FHL5: variants seen among roughly 807,000 people sequenced by gnomAD.
The protein encoded by FHL5 is four and a half LIM domains 5, also known as four and a half LIM domains protein 5.
In FHL5, 33 loss-of-function variants were observed where a neutral mutation model predicts 32.0. The ratio of observed to expected loss-of-function variants is 1.03; its 90% CI spans 0.78 to 1.38. FHL5 has a LOEUF of 1.38. Ranked by LOEUF, FHL5 falls within the 40% of genes most tolerant of loss-of-function variation. The pLI is 0.00. For missense variants in FHL5, 336 were observed against 343.9 expected (o/e 0.98, Z 0.18); for synonymous variants, 114 against 113.6 (o/e 1.00, Z -0.02).
chr6:96,610,452 C>CTT, intron 4 of FHL5, 120 bp from the exon 5 acceptor site: 11 of 674,552 alleles, frequency 1.6e-5, no homozygotes, highest in South Asian at 2.1e-5. Context: ...ATGAAATGAT[C>CTT]TTTTTTTTTT....
intron 1 of FHL5, among the ~76,000 whole-genome samples, chr6:96,579,790 A>C (rs1203448321): frequency 6.6e-6 from 1 of 152,132 alleles, no homozygotes; most frequent in Non-Finnish European, 1.5e-5. Context: ...ACAAACTCTT[A>C]GTGACAGGCT....
chr6:96,590,598 C>A (rs1003833532), intron 1 of FHL5, among the ~76,000 whole-genome samples: 1 of 151,952 alleles, frequency 6.6e-6, no homozygotes, highest in Non-Finnish European at 1.5e-5. Flanking sequence ...TTTTTTCCCT[C>A]ACCTTACTGC....
chr6:96,567,669 G>T (rs1293672467), intron 1 of FHL5, among the ~76,000 whole-genome samples: 1 of 151,294 alleles, frequency 6.6e-6, no homozygotes, highest in East Asian at 1.9e-4. Flanking sequence ...TTTTTTATCA[G>T]TGTTTTGCAG....
chr6:96,602,416 T>C (rs1036038328), intron 1 of FHL5, among the ~76,000 whole-genome samples: 4 of 141,508 alleles, frequency 2.8e-5, no homozygotes, highest in Non-Finnish European at 6.1e-5. Flanking sequence ...GAAATCTATA[T>C]GCGTTGTTTC....
At chr6:96,576,853 G>A (rs1196009964) in intron 1 of FHL5, among the ~76,000 whole-genome samples, 4 of 152,214 alleles carry the variant, frequency 2.6e-5, no homozygotes, top group Non-Finnish European at 5.9e-5. Flanking sequence ...TTAGAATGAA[G>A]ATTAACACTA....
At chr6:96,603,175 G>A (rs1362082807) in intron 1 of FHL5, among the ~76,000 whole-genome samples, 1 of 152,148 alleles carries the variant, frequency 6.6e-6, no homozygotes, top group Non-Finnish European at 1.5e-5. Context: ...AAAAAAGACT[G>A]TTATTTCCAT....
chr6:96,569,744 G>A (rs974796523), intron 1 of FHL5, among the ~76,000 whole-genome samples: 1 of 141,800 alleles, frequency 7.1e-6, no homozygotes, highest in South Asian at 2.3e-4. Context: ...CATTTGTATG[G>A]ATTTTTTTTC....
intron 1 of FHL5, among the ~76,000 whole-genome samples, chr6:96,565,604 A>G (rs1456196104): frequency 6.6e-6 from 1 of 152,136 alleles, no homozygotes; most frequent in Admixed American, 6.5e-5. Context: ...ATGGATCCTG[A>G]GTAGATTATT....
chr6:96,584,433 A>ATG (rs1491131903), intron 1 of FHL5, among the ~76,000 whole-genome samples: 10 of 127,654 alleles, frequency 7.8e-5, no homozygotes, highest in African/African-American at 3.3e-4. Context: ...CACAGGTGGG[A>ATG]TATGTGTGTG....
intron 1 of FHL5, among the ~76,000 whole-genome samples, chr6:96,580,956 A>C (rs1403649199): frequency 6.6e-6 from 1 of 152,180 alleles, no homozygotes; most frequent in African/African-American, 2.4e-5. Flanking sequence ...AATACTATCC[A>C]TGTACTACTA....
At chr6:96,585,842 A>C (rs1770786072) in intron 1 of FHL5, among the ~76,000 whole-genome samples, 1 of 152,226 alleles carries the variant, frequency 6.6e-6, no homozygotes. Context: ...ATAAGAAAGT[A>C]AAAGCCCTCT....
At chr6:96,608,202 A>T (rs952897980) in intron 4 of FHL5, among the ~76,000 whole-genome samples, 1 of 152,090 alleles carries the variant, frequency 6.6e-6, no homozygotes, top group Non-Finnish European at 1.5e-5. Context: ...TGCTATAACA[A>T]TTCAAGAGTG....
chr6:96,584,875 G>A (rs112321237), intron 1 of FHL5, among the ~76,000 whole-genome samples: 25 of 152,292 alleles, frequency 1.6e-4, no homozygotes, highest in Non-Finnish European at 3.2e-4. Context: ...TTAATAGGAT[G>A]TGGTAACCCA....
chr6:96,597,619 C>T (rs546420382), intron 1 of FHL5, among the ~76,000 whole-genome samples: 2 of 152,138 alleles, frequency 1.3e-5, no homozygotes, highest in East Asian at 3.8e-4. Flanking sequence ...GATGACCTTG[C>T]CCTAGTCTTC....
intron 1 of FHL5, among the ~76,000 whole-genome samples, chr6:96,588,970 G>C (rs562936237): frequency 9.2e-5 from 14 of 151,810 alleles, no homozygotes; most frequent in Middle Eastern, 3.4e-3. Flanking sequence ...TAAGATCATA[G>C]AAATTTACTT....
At chr6:96,608,667 C>T (rs550754374) in intron 4 of FHL5, among the ~76,000 whole-genome samples, 7 of 152,154 alleles carry the variant, frequency 4.6e-5, no homozygotes, top group Non-Finnish European at 8.8e-5. Flanking sequence ...ACGTCTTCTT[C>T]GATTTTTCAT....
chr6:96,602,812 A>C (rs948035538), intron 1 of FHL5, among the ~76,000 whole-genome samples: 8 of 152,166 alleles, frequency 5.3e-5, no homozygotes, highest in Non-Finnish European at 1.2e-4. Context: ...GAAGGAACCC[A>C]TTGTTGTTTT....
At chr6:96,608,326 A>G (rs1771327552) in intron 4 of FHL5, among the ~76,000 whole-genome samples, 1 of 152,182 alleles carries the variant, frequency 6.6e-6, no homozygotes. Context: ...TCAAAAATTT[A>G]CAAAATATTT....
chr6:96,616,366 T>A lies in FHL5; in HGVS notation c.*594T>A, dbSNP rs911371443. The A allele has an allele frequency of 3.9e-5, 6 of 152,238 alleles. No individual in the cohort carries two copies. Among genetic ancestry groups the A allele is most frequent in the African/African-American group, 1.4e-4 (6 of 41,462 alleles). The allele number at this position is 152,238 out of a possible 1,614,324, so 9.4% of individuals were successfully genotyped here. On this transcript the variant is annotated 3_prime_UTR_variant, in exon 6 of 6. Coordinates refer to ENST00000450218, the MANE Select transcript of FHL5 (RefSeq NM_001322466.2). ...CATACACACTGCTTCCACAGCTTGC[T>A]AGTTCTGTGTTTACTCAATGGAATA...
Sources: gnomAD v4.1 joint callset for allele counts (sites outside exome capture counted in the v4.1 genomes callset) on GRCh38, gnomAD v4.1.1 for gene constraint, MANE v1.5 for transcripts, NCBI Gene and HGNC (gene_info 2026-07-23, HGNC 2026-07-21) for gene names.